The following RBM33 variants were observed in gnomAD, a reference collection of about 807,000 sequenced individuals.
RBM33 encodes RNA-binding protein 33.
A neutral mutation model predicts 132.6 loss-of-function variants in RBM33; 28 were observed. That is an observed-to-expected ratio of 0.21 (90% CI 0.16 to 0.29). The LOEUF (loss-of-function observed/expected upper bound fraction) is 0.29, where lower values mean the gene tolerates loss of function less well. RBM33 is among the 10% of genes least tolerant of loss of function. The pLI, the probability that RBM33 is intolerant of heterozygous loss-of-function variation, is 1.00. For synonymous variants in RBM33, 634 were observed against 593.0 expected (o/e 1.07, Z -1.01); for missense variants, 1,291 against 1,518.5 (o/e 0.85, Z 2.49).
chr7:155,646,651 T>G (rs373259901), intron 1 of RBM33, among the ~76,000 whole-genome samples: 3 of 152,236 alleles, frequency 2.0e-5, no homozygotes, highest in Non-Finnish European at 2.9e-5. Flanking sequence ...AGGCTTTCCT[T>G]GAGAATTCAT....
chr7:155,742,024 G>C lies in RBM33; in HGVS notation c.2255G>C (p.Ser752Thr). ...TCGCGGGCCGTGGCGGGTTCCAGAA[G>C]CTCACAGGGAAAGACGGAAGTGAAA... ...PPSRAVAGSR[S>T]SQGKTEVKVK... Residue 752 changes from serine to threonine, a missense_variant, in exon 13 of 18, where the codon AGC (serine) becomes ACC (threonine). This residue lies in a region of RBM33 where 841 missense variants were observed against 912.0 expected (regional missense o/e 0.92). Transcript: ENST00000401878. The C allele has an allele frequency of 6.2e-7, 1 of 1,614,000 alleles. No individual in the cohort carries two copies. The highest frequency in any genetic ancestry group is 8.5e-7 in the Non-Finnish European group (1 of 1,179,890).
At chr7:155,773,568 C>CAAAAAAAAAAAAAAAAAAAAAA (rs201127157) in intron 16 of RBM33, among the ~76,000 whole-genome samples, 1 of 50,458 alleles carries the variant, frequency 2.0e-5, no homozygotes. Context: ...ACTCCATCTC[C>CAAAAAAAAAAAAAAAAAAAAAA]AAAAAAAAAA....
intron 1 of RBM33, among the ~76,000 whole-genome samples, chr7:155,658,022 C>CT (rs1279101983): frequency 6.6e-6 from 1 of 152,092 alleles, no homozygotes; most frequent in Non-Finnish European, 1.5e-5. Flanking sequence ...CCTTATTAAT[C>CT]TTTTACCTGG....
chr7:155,738,538 C>G, intron 11 of RBM33, 135 bp downstream of exon 11: 2 of 896,424 alleles, frequency 2.2e-6, no homozygotes, highest in South Asian at 3.7e-5. Context: ...CTCAAATGTA[C>G]TGTTTGTTAA....
At chr7:155,654,202 C>T (rs1348325741) in intron 1 of RBM33, among the ~76,000 whole-genome samples, 3 of 152,112 alleles carry the variant, frequency 2.0e-5, no homozygotes, top group Non-Finnish European at 2.9e-5. Flanking sequence ...TTTTCATTGA[C>T]TTCTCCTTCC....
intron 14 of RBM33, among the ~76,000 whole-genome samples, chr7:155,757,701 G>A (rs1009772578): frequency 2.0e-5 from 3 of 152,146 alleles, no homozygotes; most frequent in African/African-American, 7.2e-5. Flanking sequence ...AGAAATACCT[G>A]AGACTGGATA....
intron 1 of RBM33, among the ~76,000 whole-genome samples, chr7:155,654,233 A>G (rs1798432294): frequency 6.6e-6 from 1 of 152,192 alleles, no homozygotes; most frequent in Non-Finnish European, 1.5e-5. Flanking sequence ...CAGTTAGTCA[A>G]CATGCCTTGG....
intron 7 of RBM33, among the ~76,000 whole-genome samples, chr7:155,708,568 G>A (rs530266576): frequency 1.6e-4 from 25 of 152,200 alleles, no homozygotes; most frequent in Non-Finnish European, 3.2e-4. Flanking sequence ...CTGAGATGGC[G>A]TGAATGCTTT....
chr7:155,772,267 T>A (rs1282586479), intron 16 of RBM33, among the ~76,000 whole-genome samples: 1 of 151,986 alleles, frequency 6.6e-6, no homozygotes, highest in Non-Finnish European at 1.5e-5. Flanking sequence ...TAACCTAGGT[T>A]AGGGTTAGGG....
intron 6 of RBM33, among the ~76,000 whole-genome samples, chr7:155,703,350 C>A (rs1752492764): frequency 6.6e-6 from 1 of 152,104 alleles, no homozygotes; most frequent in Non-Finnish European, 1.5e-5. Flanking sequence ...AAGTCCTCTC[C>A]TTGGAATTAT....
chr7:155,761,028 A>G (rs113495100), intron 14 of RBM33, among the ~76,000 whole-genome samples: 4 of 152,278 alleles, frequency 2.6e-5, no homozygotes, highest in African/African-American at 9.6e-5. Context: ...AGGTGGGAGA[A>G]CCCATCTGGC....
intron 15 of RBM33, among the ~76,000 whole-genome samples, chr7:155,765,734 A>C (rs1471232874): frequency 5.3e-5 from 8 of 152,206 alleles, no homozygotes; most frequent in Admixed American, 3.9e-4. Context: ...AAAGTTCAGC[A>C]GTTTCCTCTT....
chr7:155,669,156 G>A (rs1798877299), intron 2 of RBM33, among the ~76,000 whole-genome samples: 1 of 152,180 alleles, frequency 6.6e-6, no homozygotes, highest in African/African-American at 2.4e-5. Flanking sequence ...GCATGACACA[G>A]AGAGAGACAC....
intron 16 of RBM33, among the ~76,000 whole-genome samples, chr7:155,771,180 GTT>G: frequency 6.6e-6 from 1 of 152,308 alleles, no homozygotes; most frequent in Admixed American, 6.5e-5. Flanking sequence ...GTGAAGAAAA[GTT>G]TTAACTCTAT....
At position 155,737,721 on chromosome 7, in the gene RBM33, A is replaced by T. The variant is rs568789288; in HGVS notation, c.1393+59A>T. On this transcript the variant is annotated intron_variant, in intron 10 of 17. Coordinates refer to ENST00000401878, the MANE Select transcript of RBM33 (RefSeq NM_053043.3). ...AGAAGCTGCATTGGGTGATGTGCCC[A>T]AACACATTTATTTTGTAAACTGAAT... 424 of 1,467,676 alleles carry T rather than the reference A, an allele frequency of 2.9e-4. 1 individual carries two copies. Among genetic ancestry groups the T allele is most frequent in the Admixed American group, 9.6e-4 (35 of 36,346 alleles). The allele number at this position is 1,467,676 out of a possible 1,614,324, so 90.9% of individuals were successfully genotyped here. A position where few individuals can be genotyped will look rare whatever the true frequency, so the allele number is the denominator to read the frequency against.
chr7:155,686,606 T>C (rs58486235), intron 5 of RBM33, among the ~76,000 whole-genome samples: 4,396 of 152,116 alleles, frequency 0.029, 208 homozygotes, highest in African/African-American at 0.1. Context: ...ATTAGGTATA[T>C]CTCCTAATGC....
intron 5 of RBM33, among the ~76,000 whole-genome samples, chr7:155,697,008 C>T (rs1428598354): frequency 4.6e-5 from 7 of 152,214 alleles, no homozygotes; most frequent in Non-Finnish European, 8.8e-5. Flanking sequence ...ACATCCACAA[C>T]GCCCCTGGCA....
In RBM33 at chr7:155,780,800, C is replaced by G. The variant is rs1456097521; in HGVS notation, c.*5759C>G. 6.6e-6 allele frequency: 1 copy of G among 152,656 alleles called. No homozygotes were observed. The highest frequency in any genetic ancestry group is 1.5e-5 in the Non-Finnish European group (1 of 68,096). 9.5% of individuals were successfully genotyped at this position (152,656 alleles called of 1,614,324 possible). A position where few individuals can be genotyped will look rare whatever the true frequency, so the allele number is the denominator to read the frequency against. On this transcript the variant is annotated 3_prime_UTR_variant, in exon 18 of 18. Coordinates refer to ENST00000401878, the MANE Select transcript of RBM33 (RefSeq NM_053043.3). ...GTTTACCACTCCATCACCTCTCAACCTTTGCTTCGACAGGTCTTCACTCAC... is the reference window on the plus strand; with the variant it reads ...GTTTACCACTCCATCACCTCTCAACGTTTGCTTCGACAGGTCTTCACTCAC...
At chr7:155,722,899 A>G (rs1315717676) in intron 9 of RBM33, among the ~76,000 whole-genome samples, 1 of 152,220 alleles carries the variant, frequency 6.6e-6, no homozygotes, top group African/African-American at 2.4e-5. Context: ...GTGATATTTC[A>G]GTTAGCCGTT....
Sources: allele counts gnomAD v4.1 joint callset (sites outside exome capture counted in the v4.1 genomes callset), GRCh38; gene constraint gnomAD v4.1.1; regional missense constraint gnomAD v4.1.1; transcripts MANE v1.5; gene names NCBI Gene and HGNC (gene_info 2026-07-23, HGNC 2026-07-21).